Variants in HRK observed in about 807,000 individuals in gnomAD.
HRK encodes harakiri, BCL2 interacting protein.
In HRK, 6 loss-of-function variants were observed where a neutral mutation model predicts 5.9. The observed-to-expected ratio is 1.02, with a 90% CI of 0.56 to 2.01. The LOEUF (loss-of-function observed/expected upper bound fraction) is 2.01. Ranked by LOEUF, HRK falls within the 30% of genes most tolerant of loss-of-function variation. The probability of loss-of-function intolerance (pLI) is 0.00; values close to 1 mark genes in which losing one functional copy is unlikely to be tolerated. For synonymous variants in HRK, 85 were observed against 65.1 expected, an observed-to-expected ratio of 1.31 and a Z score of -1.47; for missense variants, 133 against 128.3, an observed-to-expected ratio of 1.04 and a Z score of -0.18.
Position 116,858,179 on chromosome 12 carries a change from C to CAAA in HRK, c.*3341_*3343dup, listed in dbSNP as rs372236479. 2 of 141,942 alleles carry CAAA rather than the reference C, an allele frequency of 1.4e-5. No individual in the cohort carries two copies. The highest frequency in any genetic ancestry group is 5.3e-5 in the African/African-American group (2 of 38,004). The allele number at this position is 141,942 out of a possible 1,614,324, so 8.8% of individuals were successfully genotyped here. A position where few individuals can be genotyped will look rare whatever the true frequency, so the allele number is the denominator to read the frequency against. On this transcript the variant is annotated 3_prime_UTR_variant, in exon 2 of 2. Coordinates refer to ENST00000257572, the MANE Select transcript of HRK (RefSeq NM_003806.4). ...CTGGGCTCTAAGAGATGCGCAGGGC[C>CAAA]AAAAAAAACCCAAAAAAAAACAAAA... is the stretch of plus-strand genomic sequence containing the variant.
At chr12:116,863,905 T>A (rs1878449047) in intron 1 of HRK, among the ~76,000 whole-genome samples, 1 of 152,092 alleles carries the variant, frequency 6.6e-6, no homozygotes, top group South Asian at 2.1e-4. Flanking sequence ...TCTTTCTATG[T>A]TGCCTAGGCT....
rs909555022 is a variant in HRK, at chr12:116,863,879, T to C, written c.*57-2413A>G. 2.0e-5 allele frequency among the ~76,000 whole-genome samples: 3 copies of C among 152,046 alleles called. No homozygotes were observed. The East Asian group carries it at 5.8e-4, about 29-fold the overall frequency. On this transcript the variant is annotated intron_variant, in intron 1 of 1. Transcript: ENST00000257572. ...TGGCTAATTTATTATTTTTATTTTT[T>C]CTTTTAGAGACAGGGTCTTTCTATG...
Position 116,856,961 on chromosome 12 carries a change from A to T in HRK, c.*4562T>A, listed in dbSNP as rs939584121. 1.3e-5 allele frequency: 2 copies of T among 152,270 alleles called. No individual in the cohort carries two copies. Among genetic ancestry groups the T allele is most frequent in the African/African-American group, 4.8e-5 (2 of 41,470 alleles). 9.4% of individuals were successfully genotyped at this position (152,270 alleles called of 1,614,324 possible). On this transcript the variant is annotated 3_prime_UTR_variant, in exon 2 of 2. Transcript: ENST00000257572. This position sits in a 1 kb window ranked among gnomAD's most constrained non-coding sequence, Gnocchi z 4.4. ...TGCTTGGGAGTGGCGAGCACGCCAT[A>T]AAAGGTAGCTTTGATTATTGTGTAA...
Position 116,881,156 on chromosome 12 carries a change from C to T in HRK, c.152G>A (p.Arg51Gln). 8.5e-7 allele frequency: 1 copy of T among 1,181,158 alleles called. No homozygotes were observed. Among genetic ancestry groups the T allele is most frequent in the Non-Finnish European group, 1.0e-6 (1 of 957,142 alleles). The allele number at this position is 1,181,158 out of a possible 1,614,324, so 73.2% of individuals were successfully genotyped here. The change falls in exon 1 of 2, where the codon CGG becomes CAG. Residue 51 changes from arginine to glutamine, a missense_variant. Arg to Gln is a conservative substitution (Grantham distance 43). Transcript: ENST00000257572. ...CGCCCTCCGGCTCCGCGCGCGGCGC[C>T]GCCACATGGTGCGCTGGTGCAGCTC... The part of the protein sequence containing the change: ...GDELHQRTMW[R>Q]RRARSRRAPA...
chr12:116,865,869 G>T, intron 1 of HRK, among the ~76,000 whole-genome samples: 1 of 152,004 alleles, frequency 6.6e-6, no homozygotes, highest in East Asian at 1.9e-4. Context: ...AACGAATAAA[G>T]ATGACAGGCT....
At chr12:116,872,859 G>GAGGGAGGGAGGCAGGC (rs1463377989) in intron 1 of HRK, among the ~76,000 whole-genome samples, 1 of 145,820 alleles carries the variant, frequency 6.9e-6, no homozygotes, top group African/African-American at 2.5e-5. Flanking sequence ...GGAAGAGAGG[G>GAGGGAGGGAGGCAGGC]AGGGAGGGAG....
At chr12:116,866,295 G>A (rs34395044) in intron 1 of HRK, among the ~76,000 whole-genome samples, 1 of 150,934 alleles carries the variant, frequency 6.6e-6, no homozygotes, top group Non-Finnish European at 1.5e-5. Flanking sequence ...GGTGGCATGT[G>A]TCCCTAATCC....
chr12:116,869,681 G>A (rs867464121), intron 1 of HRK: 2 of 152,278 alleles, frequency 1.3e-5, no homozygotes, highest in African/African-American at 4.8e-5. Context: ...GTATTGGTGA[G>A]GAAGATACAC....
chr12:116,871,130 T>TCACCA lies in HRK; in HGVS notation c.*57-9665_*57-9664insTGGTG, dbSNP rs1283059787. ...TTGTTTTGTTTTGTTTTGTTTTGTT[T>TCACCA]TGTTTTAGTAGAAGCGAGGTTTCAC... On this transcript the variant is annotated intron_variant, in intron 1 of 1. Coordinates refer to ENST00000257572, the MANE Select transcript of HRK (RefSeq NM_003806.4). 9.6e-4 allele frequency among the ~76,000 whole-genome samples: 143 copies of TCACCA among 148,706 alleles called. 1 individual carries two copies. Among genetic ancestry groups the TCACCA allele is most frequent in the Non-Finnish European group, 1.0e-3 (70 of 67,844 alleles).
chr12:116,868,289 C>T (rs1011386217), intron 1 of HRK, among the ~76,000 whole-genome samples: 1 of 141,908 alleles, frequency 7.0e-6, no homozygotes, highest in African/African-American at 2.7e-5. Flanking sequence ...GGGAGAAAAC[C>T]ACGCAGGTCA....
intron 1 of HRK, chr12:116,876,883 C>T (rs989498730): frequency 6.6e-6 from 1 of 152,382 alleles, no homozygotes; most frequent in African/African-American, 2.4e-5. Flanking sequence ...CCTCTTCCCC[C>T]GCAAGTCATG....
chr12:116,858,276 C>T lies in HRK; in HGVS notation c.*3247G>A, dbSNP rs1248132717. 3 of 151,782 alleles carry T rather than the reference C, an allele frequency of 2.0e-5. No individual in the cohort carries two copies. The highest frequency in any genetic ancestry group is 4.4e-5 in the Non-Finnish European group (3 of 67,962). The allele number at this position is 151,782 out of a possible 1,614,324, so 9.4% of individuals were successfully genotyped here. ...GCAGCCATTGGGGCCAATGGGCTCC[C>T]CAGAGAAACTTCCTACTCAAGCTAC... On this transcript the variant is annotated 3_prime_UTR_variant, in exon 2 of 2. Transcript: ENST00000257572.
At position 116,862,044 on chromosome 12, in the gene HRK, T is replaced by C. The variant is rs919880542; in HGVS notation, c.*57-578A>G. Among the ~76,000 whole-genome samples, 3 of 152,144 alleles carry C rather than the reference T, an allele frequency of 2.0e-5. No individual in the cohort carries two copies. Among genetic ancestry groups the C allele is most frequent in the Non-Finnish European group, 4.4e-5 (3 of 68,030 alleles). ...GAAGAAGTGGATAATGACAGTCCCA[T>C]GTAAAGAGCACATGCAGTCTGGGGA... On this transcript the variant is annotated intron_variant, in intron 1 of 1. Transcript: ENST00000257572. The surrounding 1 kb of genome is among the most constrained non-coding windows in gnomAD (Gnocchi z 4.0).
intron 1 of HRK, among the ~76,000 whole-genome samples, chr12:116,864,221 C>T (rs1476496345): frequency 6.6e-6 from 1 of 152,188 alleles, no homozygotes; most frequent in Non-Finnish European, 1.5e-5. Flanking sequence ...AACCCTGCAG[C>T]ATTAGCCTAA....
chr12:116,875,084 T>C (rs758316294), intron 1 of HRK, among the ~76,000 whole-genome samples: 1 of 152,124 alleles, frequency 6.6e-6, no homozygotes, highest in African/African-American at 2.4e-5. Context: ...AAAACACACA[T>C]AAAAACAATA....
intron 1 of HRK, among the ~76,000 whole-genome samples, chr12:116,865,435 G>A (rs1393911779): frequency 2.0e-5 from 3 of 152,124 alleles, no homozygotes; most frequent in African/African-American, 7.2e-5. Context: ...GCTGAGGCAC[G>A]AGAATCTCTA....
intron 1 of HRK, among the ~76,000 whole-genome samples, chr12:116,875,736 G>A (rs1878902539): frequency 6.6e-6 from 1 of 151,918 alleles, no homozygotes; most frequent in Non-Finnish European, 1.5e-5. Context: ...TGGAGATGGG[G>A]TTTCACCACA....
Position 116,861,233 on chromosome 12 carries a change from T to G in HRK, c.*290A>C, listed in dbSNP as rs1328080052. On this transcript the variant is annotated 3_prime_UTR_variant, in exon 2 of 2. Transcript: ENST00000257572. ...CATGCACTGATACGTAATATTCATA[T>G]TTTCTTTTTTTATATATATAGAGCT... 1 of 152,176 alleles carries G rather than the reference T, an allele frequency of 6.6e-6. No homozygotes were observed. Among genetic ancestry groups the G allele is most frequent in the East Asian group, 1.9e-4 (1 of 5,196 alleles). The allele number at this position is 152,176 out of a possible 1,614,324, so 9.4% of individuals were successfully genotyped here.
At chr12:116,861,904 T>C (rs1878380454) in intron 1 of HRK, among the ~76,000 whole-genome samples, 1 of 152,234 alleles carries the variant, frequency 6.6e-6, no homozygotes. Context: ...TGTTTGTTTG[T>C]TCGTTCATTC....
Sources: gnomAD v4.1 joint callset for allele counts (sites outside exome capture counted in the v4.1 genomes callset) on GRCh38, gnomAD v4.1.1 for gene constraint, Gnocchi (gnomAD v3.1) non-coding constraint, MANE v1.5 for transcripts, NCBI Gene and HGNC (gene_info 2026-07-23, HGNC 2026-07-21) for gene names.